GRIP1: variants seen among roughly 807,000 people sequenced by gnomAD.
GRIP1 encodes glutamate receptor-interacting protein 1.
A neutral mutation model predicts 129.9 loss-of-function variants in GRIP1; 45 were observed. The ratio of observed to expected loss-of-function variants is 0.35; its 90% confidence interval spans 0.27 to 0.44. The LOEUF is 0.44. GRIP1 is among the 20% of genes least tolerant of loss of function. The pLI is 1.00. For synonymous variants in GRIP1, 530 were observed against 520.8 expected (o/e 1.02, Z -0.24); for missense variants, 1,196 against 1,396.8 (o/e 0.86, Z 2.29).
intron 1 of GRIP1, among the ~76,000 whole-genome samples, chr12:66,874,593 G>A (rs1457698725): frequency 6.6e-6 from 1 of 152,040 alleles, no homozygotes; most frequent in Non-Finnish European, 1.5e-5. Context: ...TACAATCATG[G>A]AAGAAGGCGA....
intron 1 of GRIP1, among the ~76,000 whole-genome samples, chr12:66,667,911 C>T (rs577855834): frequency 6.6e-6 from 1 of 152,282 alleles, no homozygotes; most frequent in East Asian, 1.9e-4. Flanking sequence ...TCTGTGGTTC[C>T]ATGGCCAGGA....
At chr12:66,800,228 C>T (rs750897184) in intron 1 of GRIP1, among the ~76,000 whole-genome samples, 22 of 152,060 alleles carry the variant, frequency 1.4e-4, no homozygotes, top group Non-Finnish European at 2.9e-4. Flanking sequence ...CTGAAATGAC[C>T]CCAGTAAGAA....
At chr12:66,478,972 T>C (rs1034895212) in intron 7 of GRIP1, among the ~76,000 whole-genome samples, 2 of 151,528 alleles carry the variant, frequency 1.3e-5, no homozygotes, top group African/African-American at 4.9e-5. Flanking sequence ...GGCACAAATA[T>C]ACATATGTAA....
intron 1 of GRIP1, among the ~76,000 whole-genome samples, chr12:66,815,820 A>ATTTCTTTCTTTCTT (rs1392043505): frequency 8.4e-6 from 1 of 118,568 alleles, no homozygotes; most frequent in African/African-American, 3.7e-5. Flanking sequence ...AAGATGAAAG[A>ATTTCTTTCTTTCTT]TTTCTTTCTT....
intron 1 of GRIP1, among the ~76,000 whole-genome samples, chr12:66,615,121 G>T (rs1239659945): frequency 6.6e-6 from 1 of 152,014 alleles, no homozygotes; most frequent in African/African-American, 2.4e-5. Flanking sequence ...CTTGTATATT[G>T]TCTATGTGTC....
In GRIP1 at chr12:66,634,985, T is replaced by C. The variant is rs1314369560; in HGVS notation, c.56-38058A>G. Among the ~76,000 whole-genome samples the C allele has an allele frequency of 3.9e-5, 6 of 152,252 alleles. No individual in the cohort carries two copies. The East Asian group carries it at 1.2e-3, about 29-fold the overall frequency. On this transcript the variant is annotated intron_variant, in intron 1 of 24. Coordinates refer to ENST00000359742, the MANE Select transcript of GRIP1 (RefSeq NM_001366722.1). ...ATCATATTATTTGTTCATTTGGCTA[T>C]TGTTTTTCTCCTTCAACAAATATAA...
At chr12:66,573,075 C>T (rs535964840) in intron 2 of GRIP1, among the ~76,000 whole-genome samples, 11 of 151,534 alleles carry the variant, frequency 7.3e-5, no homozygotes, top group Non-Finnish European at 1.2e-4. Flanking sequence ...TATATGTCGG[C>T]ATATATATGT....
chr12:66,404,129 G>A (rs559664211), intron 16 of GRIP1, among the ~76,000 whole-genome samples: 20 of 152,332 alleles, frequency 1.3e-4, no homozygotes, highest in Middle Eastern at 3.4e-3. Flanking sequence ...GGAGAGAAAT[G>A]CAAATGTTGG....
chr12:66,514,291 A>G (rs2060782568), intron 7 of GRIP1, among the ~76,000 whole-genome samples: 1 of 152,134 alleles, frequency 6.6e-6, no homozygotes, highest in African/African-American at 2.4e-5. Flanking sequence ...ACCTGCTTCA[A>G]TTTTTAATGT....
At chr12:66,609,906 C>T (rs1395673999) in intron 1 of GRIP1, among the ~76,000 whole-genome samples, 1 of 152,038 alleles carries the variant, frequency 6.6e-6, no homozygotes, top group Non-Finnish European at 1.5e-5. Flanking sequence ...TCATGTAAAA[C>T]TATATTGAAT....
At chr12:66,663,149 C>T (rs2033609665) in intron 1 of GRIP1, among the ~76,000 whole-genome samples, 1 of 152,132 alleles carries the variant, frequency 6.6e-6, no homozygotes. Context: ...TGAAAGATGA[C>T]TATCATTCTT....
intron 23 of GRIP1, among the ~76,000 whole-genome samples, chr12:66,359,963 C>G (rs1267657009): frequency 1.3e-5 from 2 of 152,138 alleles, no homozygotes; most frequent in East Asian, 3.8e-4. Context: ...TCCCCCTACC[C>G]CTGGAAATGA....
At chr12:66,493,461 T>C (rs1322903912) in intron 7 of GRIP1, among the ~76,000 whole-genome samples, 2 of 152,214 alleles carry the variant, frequency 1.3e-5, no homozygotes, top group African/African-American at 4.8e-5. Context: ...ATAGGTCTTC[T>C]ATAGACATCT....
intron 1 of GRIP1, among the ~76,000 whole-genome samples, chr12:66,924,919 G>A (rs765895040): frequency 1.3e-5 from 2 of 152,152 alleles, no homozygotes; most frequent in South Asian, 2.1e-4. Context: ...GCAGTGAGCC[G>A]AGATCGTGCC....
chr12:66,444,622 G>A lies in GRIP1; in HGVS notation c.1649C>T (p.Thr550Met), dbSNP rs774187916. The change falls in exon 13 of 25, where the codon ACG (threonine) becomes ATG (methionine). Residue 550 changes from threonine to methionine, a missense_variant. Physicochemically the swap from Thr to Met is moderately conservative, Grantham distance 81. Coordinates refer to ENST00000359742, the MANE Select transcript of GRIP1 (RefSeq NM_001366722.1). ...ASQLLRDSSITSKVTLEIEFD... is the reference protein window; with the variant it reads ...ASQLLRDSSIMSKVTLEIEFD... ...CTCGATTTCCAGTGTGACCTTGCTC[G>A]TGATTGAAGAGTCTCGGAGGAGCTG... The A allele has an allele frequency of 2.3e-5, 37 of 1,613,710 alleles. No homozygotes were observed. Among genetic ancestry groups the A allele is most frequent in the East Asian group, 8.9e-5 (4 of 44,886 alleles).
chr12:66,907,798 G>A (rs762907175), intron 1 of GRIP1, among the ~76,000 whole-genome samples: 1 of 152,226 alleles, frequency 6.6e-6, no homozygotes, highest in East Asian at 1.9e-4. Context: ...AAGTAAAACA[G>A]AAAGAGATTC....
At chr12:66,650,631 T>C (rs1158389924) in intron 1 of GRIP1, among the ~76,000 whole-genome samples, 2 of 152,170 alleles carry the variant, frequency 1.3e-5, no homozygotes, top group Non-Finnish European at 2.9e-5. Context: ...TCACTATGAT[T>C]AACTATCAGC....
At chr12:66,365,872 G>GA (rs2055109901) in intron 23 of GRIP1, among the ~76,000 whole-genome samples, 1 of 152,100 alleles carries the variant, frequency 6.6e-6, no homozygotes, top group African/African-American at 2.4e-5. Context: ...GACTTTACCA[G>GA]AAAAAAATGC....
chr12:66,818,504 A>G (rs1052727853), intron 1 of GRIP1, among the ~76,000 whole-genome samples: 2 of 152,198 alleles, frequency 1.3e-5, no homozygotes, highest in Non-Finnish European at 1.5e-5. Flanking sequence ...CATTCTTTCA[A>G]TAAAAATATT....
Sources: allele counts gnomAD v4.1 joint callset (sites outside exome capture counted in the v4.1 genomes callset), GRCh38; gene constraint gnomAD v4.1.1; transcripts MANE v1.5; gene names NCBI Gene and HGNC (gene_info 2026-07-23, HGNC 2026-07-21).